Variants in AJUBA observed in about 807,000 individuals in gnomAD.
AJUBA encodes the protein LIM domain-containing protein ajuba.
AJUBA carries 20 observed loss-of-function variants against 53.3 expected under a neutral mutation model. The ratio of observed to expected loss-of-function variants is 0.38; its 90% CI spans 0.26 to 0.55. The LOEUF (loss-of-function observed/expected upper bound fraction) is 0.55, where lower values mean the gene tolerates loss of function less well. Ranked by LOEUF, AJUBA falls within the 20% of genes least tolerant of loss-of-function variation. AJUBA has a pLI of 0.80. For missense variants in AJUBA, 580 were observed against 730.5 expected (o/e 0.79, Z 2.38); for synonymous variants, 296 against 306.2 (o/e 0.97, Z 0.35).
At position 22,972,846 on chromosome 14, in the gene AJUBA, T is replaced by C. The variant is rs2139344387; in HGVS notation, c.*597A>G. 1 of 153,900 alleles carries C rather than the reference T, an allele frequency of 6.5e-6. No homozygotes were observed. Among genetic ancestry groups the C allele is most frequent in the Non-Finnish European group, 1.4e-5 (1 of 69,064 alleles). 9.5% of individuals were successfully genotyped at this position (153,900 alleles called of 1,614,324 possible). A position where few individuals can be genotyped will look rare whatever the true frequency, so the allele number is the denominator to read the frequency against. ...CCTCTCAGGGACATCCCACACTGCATCAACCACAACCCCAAAACTCTGGGG... is the reference window on the plus strand; with the variant it reads ...CCTCTCAGGGACATCCCACACTGCACCAACCACAACCCCAAAACTCTGGGG... On this transcript the variant is annotated 3_prime_UTR_variant, in exon 8 of 8. Coordinates refer to ENST00000262713, the MANE Select transcript of AJUBA (RefSeq NM_032876.6).
At chr14:22,973,703 G>A (rs2045006940) in intron 7 of AJUBA, 135 bp from the exon 8 acceptor site, 2 of 1,242,298 alleles carry the variant, frequency 1.6e-6, no homozygotes, top group East Asian at 4.9e-5. Context: ...AAGGATGGAA[G>A]GGATGGAAGA....
intron 1 of AJUBA, chr14:22,978,955 C>G (rs1196118509): frequency 3.1e-6 from 4 of 1,289,080 alleles, no homozygotes; most frequent in Non-Finnish European, 4.0e-6. Flanking sequence ...TGATTTCTCT[C>G]CACTGCAGAC....
At position 22,975,861 on chromosome 14, in the gene AJUBA, AG is replaced by A. The variant is rs201276990; in HGVS notation, c.1239+594del. Reference sequence around the variant, plus strand: ...AGACTCCATCTCAAAAAAAAAAAAAAGAAGACGACTCAGGACCCCAGGCTGG... The same window carrying A: ...AGACTCCATCTCAAAAAAAAAAAAAAAAGACGACTCAGGACCCCAGGCTGG... On this transcript the variant is annotated intron_variant, in intron 4 of 7. Coordinates refer to ENST00000262713, the MANE Select transcript of AJUBA (RefSeq NM_032876.6). 6.4e-4 allele frequency: 96 copies of A among 150,280 alleles called. 7 individuals carry two copies. Among genetic ancestry groups the A allele is most frequent in the Middle Eastern group, 6.9e-3 (2 of 290 alleles). The allele number at this position is 150,280 out of a possible 1,614,324, so 9.3% of individuals were successfully genotyped here.
intron 4 of AJUBA, chr14:22,975,741 A>C (rs1208144985): frequency 1.4e-5 from 2 of 144,736 alleles, no homozygotes; most frequent in Non-Finnish European, 3.0e-5. Context: ...GGGCGCCTGT[A>C]GTCCCAGCTA....
At position 22,973,497 on chromosome 14, in the gene AJUBA, A is replaced by C. The variant is rs11846952; in HGVS notation, c.1563T>G (p.His521Gln). 1.9e-6 allele frequency: 3 copies of C among 1,614,126 alleles called. No individual in the cohort carries two copies. Among genetic ancestry groups the C allele is most frequent in the East Asian group, 4.5e-5 (2 of 44,880 alleles). ...CATTGAGCCGCTGCATGTGGCAACC[A>C]TGGCAGAGCAAGTGCCCATCCAGAG... is the stretch of plus-strand genomic sequence containing the variant. Reference protein sequence around the residue: ...CFPLDGHLLCHGCHMQRLNAR... With the variant: ...CFPLDGHLLCQGCHMQRLNAR... Residue 521 changes from histidine to glutamine, a missense_variant, in exon 8 of 8, where the codon CAT (histidine) becomes CAG (glutamine). His to Gln is a conservative substitution (Grantham distance 24, BLOSUM62 0). Transcript: ENST00000262713.
chr14:22,980,028 C>T (rs189931053), intron 1 of AJUBA, among the ~76,000 whole-genome samples: 25 of 152,100 alleles, frequency 1.6e-4, no homozygotes, highest in African/African-American at 6.0e-4. Context: ...TGAGTTATGC[C>T]CTTATAGCCT....
chr14:22,982,146 A>G lies in AJUBA; in HGVS notation c.121T>C (p.Leu41=). The change falls in exon 1 of 8, where the codon TTG becomes CTG. Residue 41 remains leucine (L), a synonymous_variant. Coordinates refer to ENST00000262713, the MANE Select transcript of AJUBA (RefSeq NM_032876.6). ...PGPGKGRLSG[L]GGPRKSGPRG... ...GGCCCTGACTTCCTAGGTCCCCCCA[A>G]CCCACTTAGGCGCCCCTTGCCCGGC... 1 of 1,610,302 alleles carries G rather than the reference A, an allele frequency of 6.2e-7. No homozygotes were observed. Among genetic ancestry groups the G allele is most frequent in the South Asian group, 1.1e-5 (1 of 90,760 alleles).
At chr14:22,980,789 G>T in intron 1 of AJUBA, 2 of 486,094 alleles carry the variant, frequency 4.1e-6, no homozygotes, top group Non-Finnish European at 5.3e-6. Context: ...GAGCGCCCGG[G>T]CAGGAGTCGG....
In AJUBA at chr14:22,973,405, T is replaced by C. The variant is rs1202949053; in HGVS notation, c.*38A>G. ...CAGAGGGGCCCACTGGCCACAGCAGTTTGTCTGCAGGGTGACAGCAGCAGC... is the reference window on the plus strand; with the variant it reads ...CAGAGGGGCCCACTGGCCACAGCAGCTTGTCTGCAGGGTGACAGCAGCAGC... On this transcript the variant is annotated 3_prime_UTR_variant, in exon 8 of 8. Coordinates refer to ENST00000262713, the MANE Select transcript of AJUBA (RefSeq NM_032876.6). 2 of 1,582,086 alleles carry C rather than the reference T, an allele frequency of 1.3e-6. No homozygotes were observed. The highest frequency in any genetic ancestry group is 1.3e-5 in the African/African-American group (1 of 74,196).
intron 1 of AJUBA, chr14:22,980,765 C>A (rs1194454611): frequency 1.2e-6 from 1 of 833,762 alleles, no homozygotes; most frequent in Non-Finnish European, 1.4e-6. Context: ...AGCCGCCCCG[C>A]CCGCGGGCAC....
intron 1 of AJUBA, chr14:22,978,743 C>G: frequency 8.2e-7 from 1 of 1,217,058 alleles, no homozygotes; most frequent in Non-Finnish European, 1.0e-6. Flanking sequence ...CATTCAGATG[C>G]TTAGTTTCTG....
intron 1 of AJUBA, chr14:22,980,509 T>A (rs1253587106): frequency 3.9e-5 from 30 of 769,634 alleles, no homozygotes; most frequent in Non-Finnish European, 4.4e-5. Flanking sequence ...GGTAATGGTG[T>A]CCCAGTAGTC....
intron 6 of AJUBA, chr14:22,974,554 C>A (rs925993304): frequency 4.3e-6 from 2 of 469,816 alleles, no homozygotes; most frequent in Non-Finnish European, 7.6e-6. Context: ...CACCTTTTTC[C>A]AGCCCCTACA....
At chr14:22,980,368 G>A (rs947781741) in intron 1 of AJUBA, among the ~76,000 whole-genome samples, 1 of 152,190 alleles carries the variant, frequency 6.6e-6, no homozygotes, top group African/African-American at 2.4e-5. Flanking sequence ...AGGGGAGGGA[G>A]ACAGCGACCA....
chr14:22,982,011 C>T lies in AJUBA; in HGVS notation c.256G>A (p.Glu86Lys), dbSNP rs752218160. The change falls in exon 1 of 8, where the codon GAA (glutamate) becomes AAA (lysine). Residue 86 changes from glutamate to lysine, a missense_variant. By Grantham distance (56) the Glu-to-Lys change is moderately conservative. Transcript: ENST00000262713. ...QRGSFEAPRY[E>K]GSFPAGPPPT... The stretch of plus-strand genomic sequence containing the variant: ...GGCGGCCCCGCGGGAAAAGAGCCTT[C>T]GTAGCGCGGCGCCTCAAAGGAGCCG... 7.6e-6 allele frequency: 12 copies of T among 1,586,724 alleles called. No homozygotes were observed. Among genetic ancestry groups the T allele is most frequent in the Non-Finnish European group, 1.0e-5 (12 of 1,171,554 alleles).
intron 2 of AJUBA, chr14:22,976,986 T>A (rs2045043321): frequency 7.5e-7 from 1 of 1,336,182 alleles, no homozygotes; most frequent in African/African-American, 1.5e-5. Flanking sequence ...CTAAACAAAC[T>A]GCCTTCCTCT....
chr14:22,973,812 G>C (rs530881735), intron 7 of AJUBA, among the ~76,000 whole-genome samples: 37 of 152,290 alleles, frequency 2.4e-4, no homozygotes, highest in Middle Eastern at 3.4e-3. Context: ...TTTGACCAGA[G>C]TCCCTAGTCT....
Position 22,982,131 on chromosome 14 carries a change from T to C in AJUBA, c.136A>G (p.Lys46Glu). 6.2e-7 allele frequency: 1 copy of C among 1,606,272 alleles called. No homozygotes were observed. Among genetic ancestry groups the C allele is most frequent in the Non-Finnish European group, 8.5e-7 (1 of 1,176,868 alleles). The change falls in exon 1 of 8, where the codon AAG (lysine) becomes GAG (glutamate). Residue 46 changes from lysine to glutamate, a missense_variant. This residue lies in a region of AJUBA where 430 missense variants were observed against 471.5 expected (regional missense o/e 0.91). Coordinates refer to ENST00000262713, the MANE Select transcript of AJUBA (RefSeq NM_032876.6). ...GRLSGLGGPR[K>E]SGPRGATGGP... ...CCAGTAGCTCCTCGGGGCCCTGACT[T>C]CCTAGGTCCCCCCAACCCACTTAGG...
At position 22,973,585 on chromosome 14, in the gene AJUBA, C is replaced by A; in HGVS notation, c.1492-17G>T. The A allele has an allele frequency of 6.2e-7, 1 of 1,613,798 alleles. No individual in the cohort carries two copies. Among genetic ancestry groups the A allele is most frequent in the Non-Finnish European group, 8.5e-7 (1 of 1,179,844 alleles). On this transcript the variant is annotated splice_polypyrimidine_tract_variant and intron_variant, in intron 7 of 7. Coordinates refer to ENST00000262713, the MANE Select transcript of AJUBA (RefSeq NM_032876.6). ...CCGGCAGTCCTAGGGAAGAAGGCACCTAGTTCACCTCAGCCTAGGCACCTT... is the reference window on the plus strand; with the variant it reads ...CCGGCAGTCCTAGGGAAGAAGGCACATAGTTCACCTCAGCCTAGGCACCTT...
Sources: gnomAD v4.1 joint callset for allele counts (sites outside exome capture counted in the v4.1 genomes callset) on GRCh38, gnomAD v4.1.1 for gene constraint, gnomAD v4.1.1 regional missense constraint, MANE v1.5 for transcripts, NCBI Gene and HGNC (gene_info 2026-07-23, HGNC 2026-07-21) for gene names.